Variants in PC observed in about 807,000 individuals in gnomAD.
The protein encoded by PC is pyruvate carboxylase.
In PC, 46 loss-of-function variants were observed where a neutral mutation model predicts 107.8. The observed-to-expected ratio is 0.43, with a 90% confidence interval of 0.34 to 0.55. PC has a LOEUF of 0.55. Ranked by LOEUF, PC falls within the 20% of genes least tolerant of loss-of-function variation. The pLI, the probability that PC is intolerant of heterozygous loss-of-function variation, is 0.04. For missense variants in PC, 1,241 were observed against 1,643.1 expected, an observed-to-expected ratio of 0.76 and a Z score of 4.23; for synonymous variants, 662 against 684.7, an observed-to-expected ratio of 0.97 and a Z score of 0.52.
At chr11:66,938,578 T>G (rs1216887979) in intron 3 of PC, among the ~76,000 whole-genome samples, 1 of 152,106 alleles carries the variant, frequency 6.6e-6, no homozygotes, top group Non-Finnish European at 1.5e-5. Context: ...AATTAAAACA[T>G]CCTATAAAGA....
In PC at chr11:66,857,986, G is replaced by T. The variant is rs755526880; in HGVS notation, c.1369-4603C>A. 1 of 1,612,364 alleles carries T rather than the reference G, an allele frequency of 6.2e-7. No individual in the cohort carries two copies. The highest frequency in any genetic ancestry group is 1.7e-5 in the Admixed American group (1 of 60,024). On this transcript the variant is annotated intron_variant, in intron 12 of 22. Coordinates refer to ENST00000393960, the MANE Select transcript of PC (RefSeq NM_001040716.2). The surrounding 1 kb of genome is among the most constrained non-coding windows in gnomAD (Gnocchi z 7.1). ...GGACTGGTGGACCTGACACTGTCTCGCAATGCCATCACCCGCATTGGGGCC... is the reference window on the plus strand; with the variant it reads ...GGACTGGTGGACCTGACACTGTCTCTCAATGCCATCACCCGCATTGGGGCC...
chr11:66,858,620 G>A lies in PC; in HGVS notation c.1368+5154C>T. The A allele has an allele frequency of 6.5e-7, 1 of 1,536,492 alleles. No individual in the cohort carries two copies. Among genetic ancestry groups the A allele is most frequent in the Middle Eastern group, 1.7e-4 (1 of 5,912 alleles). ...CCCGCCACACGCAGCGCCTCTGGGT[G>A]CTGGAAGGCCAGCGGGCCACGCTGC... On this transcript the variant is annotated intron_variant, in intron 12 of 22. Transcript: ENST00000393960. The surrounding 1 kb of genome is among the most constrained non-coding windows in gnomAD (Gnocchi z 5.9).
chr11:66,911,957 C>T (rs1948345454), intron 3 of PC, among the ~76,000 whole-genome samples: 1 of 151,496 alleles, frequency 6.6e-6, no homozygotes, highest in African/African-American at 2.4e-5. Flanking sequence ...CCCTCGAACC[C>T]AGGAGGCAGA....
At position 66,871,507 on chromosome 11, in the gene PC, G is replaced by A. The variant is rs144469184; in HGVS notation, c.322-27C>T. The A allele has an allele frequency of 5.0e-6, 8 of 1,612,398 alleles. No individual in the cohort carries two copies. The highest frequency in any genetic ancestry group is 4.5e-5 in the East Asian group (2 of 44,876). The stretch of plus-strand genomic sequence containing the variant: ...TGCAGGTGGGGGTCAGGGAGAGGAC[G>A]GTACCTTGCAGTCCCTTCCAAGGCC... On this transcript the variant is annotated intron_variant, in intron 5 of 22. Transcript: ENST00000393960. The surrounding 1 kb of genome is among the most constrained non-coding windows in gnomAD (Gnocchi z 7.4).
chr11:66,944,030 C>T (rs7103335), intron 3 of PC, among the ~76,000 whole-genome samples: 59,052 of 130,392 alleles, frequency 0.45, 15,382 homozygotes, highest in South Asian at 0.7. Context: ...GCCTGTAATC[C>T]CAGCACTTTG....
intron 3 of PC, among the ~76,000 whole-genome samples, chr11:66,873,062 G>A (rs1453820700): frequency 6.7e-6 from 1 of 150,338 alleles, no homozygotes; most frequent in African/African-American, 2.5e-5. Flanking sequence ...AATACTTCAG[G>A]TTGGGCACGG....
intron 3 of PC, among the ~76,000 whole-genome samples, chr11:66,902,458 G>T (rs1947992727): frequency 6.6e-6 from 1 of 152,108 alleles, no homozygotes. Context: ...TGTAAGCATG[G>T]AAAGACACCC....
At chr11:66,948,270 T>C (rs1485590087) in intron 3 of PC, among the ~76,000 whole-genome samples, 1 of 150,530 alleles carries the variant, frequency 6.6e-6, no homozygotes, top group Non-Finnish European at 1.5e-5. Flanking sequence ...TATCTCAACA[T>C]AATTATGCTG....
chr11:66,920,062 G>C (rs917477706), intron 3 of PC, among the ~76,000 whole-genome samples: 1 of 152,212 alleles, frequency 6.6e-6, no homozygotes, highest in Non-Finnish European at 1.5e-5. Flanking sequence ...CTCAGAACAA[G>C]GCTGGCTCAT....
intron 12 of PC, chr11:66,860,249 C>T (rs1946174388): frequency 1.6e-5 from 25 of 1,536,964 alleles, no homozygotes; most frequent in Non-Finnish European, 2.1e-5. Flanking sequence ...GGGCAGAGGG[C>T]CCGGGGCCGC....
intron 3 of PC, among the ~76,000 whole-genome samples, chr11:66,887,278 G>A (rs980404426): frequency 7.9e-5 from 12 of 152,022 alleles, no homozygotes; most frequent in East Asian, 1.9e-4. Context: ...AACGGTCAGC[G>A]AACCACCACC....
chr11:66,871,635 C>T lies in PC; in HGVS notation c.321+52G>A. 1 of 1,563,164 alleles carries T rather than the reference C, an allele frequency of 6.4e-7. No homozygotes were observed. Among genetic ancestry groups the T allele is most frequent in the Non-Finnish European group, 8.7e-7 (1 of 1,152,546 alleles). On this transcript the variant is annotated intron_variant, in intron 5 of 22. Transcript: ENST00000393960. The surrounding 1 kb of genome is among the most constrained non-coding windows in gnomAD (Gnocchi z 7.4). Reference sequence around the variant, plus strand: ...CAGCCTCAAGAGACCCCCGCGGCAACTAAGACTCCCTGGTCCCTGCTGTCC... The same window carrying T: ...CAGCCTCAAGAGACCCCCGCGGCAATTAAGACTCCCTGGTCCCTGCTGTCC...
chr11:66,924,988 G>GC (rs1193421179), intron 3 of PC, among the ~76,000 whole-genome samples: 1 of 152,084 alleles, frequency 6.6e-6, no homozygotes, highest in African/African-American at 2.4e-5. Flanking sequence ...GTTCCGTGAT[G>GC]CCCCCCAGCC....
At chr11:66,873,863 G>T (rs1591198456) in intron 3 of PC, among the ~76,000 whole-genome samples, 1 of 151,842 alleles carries the variant, frequency 6.6e-6, no homozygotes, top group East Asian at 1.9e-4. Flanking sequence ...TGCCTCCCAG[G>T]TTCAGGCAAT....
At chr11:66,947,961 T>C (rs1346491418) in intron 3 of PC, among the ~76,000 whole-genome samples, 1 of 119,768 alleles carries the variant, frequency 8.3e-6, no homozygotes, top group Non-Finnish European at 1.7e-5. Context: ...AGATTCCGTC[T>C]CAAAAAAAAA....
At chr11:66,860,700 T>C (rs1158808539) in intron 12 of PC, 1 of 700,920 alleles carries the variant, frequency 1.4e-6, no homozygotes, top group South Asian at 1.5e-5. Context: ...GCAGGCGGCC[T>C]ACCCTCGCCT....
At chr11:66,863,698 C>G in intron 12 of PC, 76 bp downstream of exon 12, 4 of 1,482,080 alleles carry the variant, frequency 2.7e-6, no homozygotes, top group Non-Finnish European at 3.7e-6. Context: ...GTGCAAGGCC[C>G]TTGGTGGGGA....
In PC at chr11:66,852,341, T is replaced by G; in HGVS notation, c.1825+98A>C. 1 of 1,012,742 alleles carries G rather than the reference T, an allele frequency of 9.9e-7. No individual in the cohort carries two copies. The highest frequency in any genetic ancestry group is 1.6e-6 in the Non-Finnish European group (1 of 641,546). 62.7% of individuals were successfully genotyped at this position (1,012,742 alleles called of 1,614,324 possible). ...TCCTTCCTCTTTGGTGTTCTTCGTGTCAGCGTCTCTAGCTTGTCCCCAGTG... is the reference window on the plus strand; with the variant it reads ...TCCTTCCTCTTTGGTGTTCTTCGTGGCAGCGTCTCTAGCTTGTCCCCAGTG... On this transcript the variant is annotated intron_variant, in intron 15 of 22. Coordinates refer to ENST00000393960, the MANE Select transcript of PC (RefSeq NM_001040716.2). This position sits in a 1 kb window ranked among gnomAD's most constrained non-coding sequence, Gnocchi z 4.7.
chr11:66,887,966 GC>G (rs1192214578), intron 3 of PC, among the ~76,000 whole-genome samples: 2 of 152,332 alleles, frequency 1.3e-5, no homozygotes, highest in East Asian at 3.9e-4. Context: ...TTTGCTCGTG[GC>G]CACATCACTC....
Sources: allele counts gnomAD v4.1 joint callset (sites outside exome capture counted in the v4.1 genomes callset), GRCh38; gene constraint gnomAD v4.1.1; non-coding constraint Gnocchi (gnomAD v3.1); transcripts MANE v1.5; gene names NCBI Gene and HGNC (gene_info 2026-07-23, HGNC 2026-07-21).